Variants in DAB1 observed in about 807,000 individuals in gnomAD.
The protein encoded by DAB1 is DAB adaptor protein 1.
A neutral mutation model predicts 64.6 loss-of-function variants in DAB1; 15 were observed. The ratio of observed to expected loss-of-function variants is 0.23; its 90% CI spans 0.16 to 0.36. The LOEUF (loss-of-function observed/expected upper bound fraction) is 0.36. Among genes scored for constraint, DAB1 ranks in the 10% least tolerant of loss-of-function variants. The pLI, the probability that DAB1 is intolerant of heterozygous loss-of-function variation, is 1.00. For synonymous variants in DAB1, 235 were observed against 251.9 expected, an observed-to-expected ratio of 0.93 and a Z score of 0.64; for missense variants, 596 against 706.7, an observed-to-expected ratio of 0.84 and a Z score of 1.78.
intron 6 of DAB1, among the ~76,000 whole-genome samples, chr1:57,795,150 A>G (rs765875413): frequency 5.9e-5 from 9 of 152,246 alleles, no homozygotes; most frequent in African/African-American, 1.7e-4. Context: ...AATAATACAG[A>G]ATACCACTAA....
chr1:58,527,381 C>A, intron 1 of DAB1: 1 of 838,884 alleles, frequency 1.2e-6, no homozygotes, highest in Non-Finnish European at 2.1e-6. Context: ...ATTTATTTCA[C>A]GAAAAAAGGA....
At chr1:58,028,774 A>C (rs1241454289) in intron 5 of DAB1, among the ~76,000 whole-genome samples, 2 of 152,230 alleles carry the variant, frequency 1.3e-5, no homozygotes, top group Non-Finnish European at 2.9e-5. Flanking sequence ...TGGAATCTGC[A>C]AATAATAAGA....
chr1:57,636,226 G>T (rs1159899447), intron 7 of DAB1, among the ~76,000 whole-genome samples: 2 of 152,088 alleles, frequency 1.3e-5, no homozygotes, highest in Non-Finnish European at 2.9e-5. Context: ...CAGTGAGAAG[G>T]CGGCTCCCTA....
chr1:57,314,424 T>A (rs2100743287), intron 1 of DAB1, among the ~76,000 whole-genome samples: 1 of 152,306 alleles, frequency 6.6e-6, no homozygotes, highest in Admixed American at 6.5e-5. Context: ...TGTGATTTGC[T>A]GACCTGGTTC....
At chr1:58,236,382 G>A (rs1395911292) in intron 4 of DAB1, among the ~76,000 whole-genome samples, 6 of 152,014 alleles carry the variant, frequency 3.9e-5, no homozygotes, top group Non-Finnish European at 8.8e-5. Flanking sequence ...ACTCAGTCAG[G>A]CTCTGGGACC....
intron 4 of DAB1, among the ~76,000 whole-genome samples, chr1:57,113,973 G>C (rs1655891541): frequency 1.3e-5 from 2 of 152,160 alleles, no homozygotes; most frequent in Admixed American, 1.3e-4. Flanking sequence ...TCAACTCTAG[G>C]ATGGAACACT....
intron 4 of DAB1, among the ~76,000 whole-genome samples, chr1:57,130,273 A>T (rs1319242271): frequency 6.6e-6 from 1 of 152,118 alleles, no homozygotes; most frequent in Non-Finnish European, 1.5e-5. Flanking sequence ...GTCTTAGAGG[A>T]TTAAATTAAT....
chr1:58,239,569 G>A (rs1473991421), intron 4 of DAB1, among the ~76,000 whole-genome samples: 1 of 152,106 alleles, frequency 6.6e-6, no homozygotes, highest in Non-Finnish European at 1.5e-5. Flanking sequence ...AAGTCAATAG[G>A]AGCCCATGGA....
At chr1:57,518,809 A>G (rs1046884547) in intron 7 of DAB1, among the ~76,000 whole-genome samples, 6 of 152,170 alleles carry the variant, frequency 3.9e-5, no homozygotes, top group Non-Finnish European at 7.3e-5. Flanking sequence ...TTGGCTTGGG[A>G]AGCCTGCCTG....
intron 1 of DAB1, among the ~76,000 whole-genome samples, chr1:57,869,199 A>G (rs2101954010): frequency 6.6e-6 from 1 of 152,244 alleles, no homozygotes; most frequent in Admixed American, 6.5e-5. Context: ...GTATTTCCTC[A>G]TGGGTAAAAT....
chr1:57,688,919 G>A (rs1434756626), intron 6 of DAB1, among the ~76,000 whole-genome samples: 1 of 152,140 alleles, frequency 6.6e-6, no homozygotes, highest in Non-Finnish European at 1.5e-5. Context: ...CACCAGAGTG[G>A]GGAGGAAAGG....
At chr1:58,145,633 T>G (rs540924535) in intron 5 of DAB1, among the ~76,000 whole-genome samples, 1 of 152,174 alleles carries the variant, frequency 6.6e-6, no homozygotes, top group Non-Finnish European at 1.5e-5. Context: ...TTGAGGCCCA[T>G]AGAGGGAAAG....
chr1:58,290,296 G>A (rs1661784466), intron 4 of DAB1, among the ~76,000 whole-genome samples: 1 of 152,192 alleles, frequency 6.6e-6, no homozygotes, highest in South Asian at 2.1e-4. Context: ...AAAGATGTCA[G>A]TTGATCTGAA....
intron 4 of DAB1, among the ~76,000 whole-genome samples, chr1:58,205,864 C>A (rs149116304): frequency 6.6e-6 from 1 of 152,310 alleles, no homozygotes; most frequent in African/African-American, 2.4e-5. Flanking sequence ...TAAGGCAGAG[C>A]GGACCAATCT....
At chr1:58,546,704 C>G (rs1002396031) in exon 1 of DAB1, 7 of 152,264 alleles carry the variant, frequency 4.6e-5, no homozygotes, top group African/African-American at 1.7e-4. Flanking sequence ...AGGACTGACT[C>G]AAGCAGAAGC....
intron 3 of DAB1, among the ~76,000 whole-genome samples, chr1:58,480,347 G>T (rs915387293): frequency 6.6e-6 from 1 of 152,050 alleles, no homozygotes; most frequent in Non-Finnish European, 1.5e-5. Flanking sequence ...CCAGGAACAC[G>T]CTGTATCTCT....
At chr1:58,014,832 G>T (rs887207857) in intron 5 of DAB1, among the ~76,000 whole-genome samples, 1 of 152,158 alleles carries the variant, frequency 6.6e-6, no homozygotes. Context: ...TAACAGAGAG[G>T]CTGACAGGAA....
chr1:58,386,984 C>T (rs1405956151), intron 3 of DAB1, among the ~76,000 whole-genome samples: 14 of 152,202 alleles, frequency 9.2e-5, no homozygotes, highest in African/African-American at 2.2e-4. Context: ...CGCTTGAATC[C>T]GGGAGGCAGA....
chr1:57,147,422 G>A (rs1002522724), intron 2 of DAB1, among the ~76,000 whole-genome samples: 1 of 151,928 alleles, frequency 6.6e-6, no homozygotes, highest in Non-Finnish European at 1.5e-5. Flanking sequence ...CTGTGGTCCT[G>A]ACCCCCAGTT....
Sources: gnomAD v4.1 joint callset for allele counts (sites outside exome capture counted in the v4.1 genomes callset) on GRCh38, gnomAD v4.1.1 for gene constraint, MANE v1.5 for transcripts, NCBI Gene and HGNC (gene_info 2026-07-23, HGNC 2026-07-21) for gene names.